Variants in IGSF22 observed in about 807,000 individuals in gnomAD.
IGSF22 encodes the protein immunoglobulin superfamily, member 22.
Under a neutral mutation model 127.0 loss-of-function variants are expected in IGSF22, and 119 were observed. The ratio of observed to expected loss-of-function variants is 0.94; its 90% confidence interval spans 0.81 to 1.09. The LOEUF is 1.09. Among genes scored for constraint, IGSF22 ranks in the 50% least tolerant of loss-of-function variants. IGSF22 has a pLI of 0.00. For synonymous variants in IGSF22, 568 were observed against 664.7 expected, an observed-to-expected ratio of 0.85 and a Z score of 2.24; for missense variants, 1,518 against 1,716.6, an observed-to-expected ratio of 0.88 and a Z score of 2.04.
intron 6 of IGSF22, 30 bp from the exon 7 acceptor site, chr11:18,719,923 T>C (rs763568128): frequency 1.2e-6 from 2 of 1,613,740 alleles, no homozygotes; most frequent in East Asian, 2.2e-5. Context: ...ACTAAGCTTG[T>C]ACACAATGCC....
Position 18,714,421 on chromosome 11 carries a change from G to A in IGSF22, c.1657-3C>T, listed in dbSNP as rs1184834379. ...TGCATGCCTGGCAAGTCCGTGATCT[G>A]GGGGTCAGGGGTGGGCCTGAGTGTG... On this transcript the variant is annotated splice_region_variant and splice_polypyrimidine_tract_variant and intron_variant, in intron 12 of 22. Transcript: ENST00000513874. 4.3e-6 allele frequency: 7 copies of A among 1,613,582 alleles called. No individual in the cohort carries two copies. In the African/African-American group the frequency reaches 8.0e-5, roughly 18 times the overall value.
intron 22 of IGSF22, chr11:18,704,839 C>T (rs1373082275): frequency 1.2e-5 from 4 of 342,228 alleles, no homozygotes; most frequent in Non-Finnish European, 2.2e-5. Flanking sequence ...AGAGCCAGGG[C>T]CCTGGGCCCA....
Position 18,720,240 on chromosome 11 carries a change from C to T in IGSF22, c.424G>A (p.Ala142Thr), listed in dbSNP as rs561455573. Residue 142 changes from alanine (A) to threonine (T), a missense_variant, in exon 5 of 23, where the codon GCA becomes ACA. By Grantham distance (58) the Ala-to-Thr change is moderately conservative. Coordinates refer to ENST00000513874, the MANE Select transcript of IGSF22 (RefSeq NM_173588.4). ...SDDSDNYKCI[A>T]SNDHADAIYT... ...ATGGCATCTGCATGGTCATTGCTTG[C>T]AATGCACTTATAGTTGTCAGAGTCA... is the stretch of plus-strand genomic sequence containing the variant. 8 of 1,614,134 alleles carry T rather than the reference C, an allele frequency of 5.0e-6. No homozygotes were observed. In the Admixed American group the frequency reaches 6.7e-5, roughly 13 times the overall value.
Position 18,704,525 on chromosome 11 carries a change from C to T in IGSF22, c.3924G>A (p.Lys1308=). 1 of 1,549,426 alleles carries T rather than the reference C, an allele frequency of 6.5e-7. No homozygotes were observed. The highest frequency in any genetic ancestry group is 1.2e-5 in the South Asian group (1 of 84,016). The change falls in exon 23 of 23, where the codon AAG becomes AAA. Residue 1308 remains lysine (K), a synonymous_variant. Transcript: ENST00000513874. ...TCTCGGTGATGGATGCTACAACTGA[C>T]TTATCATCTTTGTCTGAAAGAGCAA... ...CTLTVYDKDD[K]SVVASITESL...
At chr11:18,704,615 T>C (rs1590430868) in intron 22 of IGSF22, 77 bp from the exon 23 acceptor site, 3 of 938,798 alleles carry the variant, frequency 3.2e-6, no homozygotes, top group South Asian at 1.4e-5. Context: ...GGACTTCCTA[T>C]GCAGGAAACC....
At chr11:18,719,488 G>A (rs191365775) in intron 7 of IGSF22, among the ~76,000 whole-genome samples, 8 of 152,134 alleles carry the variant, frequency 5.3e-5, no homozygotes, top group Admixed American at 2.0e-4. Flanking sequence ...TTTGAATCTC[G>A]GTCTATCTGA....
chr11:18,716,511 G>A lies in IGSF22; in HGVS notation c.1246+217C>T, dbSNP rs140995852. Among the ~76,000 whole-genome samples, 8 of 152,228 alleles carry A rather than the reference G, an allele frequency of 5.3e-5. No individual in the cohort carries two copies. In the East Asian group the frequency reaches 1.4e-3, roughly 26 times the overall value. Reference sequence around the variant, plus strand: ...AATAAGACCCAGTGTGTCTTGACTCGTGGAATAATAACTGCTATTCTAATT... The same window carrying A: ...AATAAGACCCAGTGTGTCTTGACTCATGGAATAATAACTGCTATTCTAATT... On this transcript the variant is annotated intron_variant, in intron 10 of 22. Transcript: ENST00000513874. The surrounding 1 kb of genome is among the most constrained non-coding windows in gnomAD (Gnocchi z 4.5).
At chr11:18,722,138 A>G in intron 2 of IGSF22, 97 bp from the exon 3 acceptor site, 1 of 1,442,008 alleles carries the variant, frequency 6.9e-7, no homozygotes, top group South Asian at 1.2e-5. Context: ...GGAGCATGGG[A>G]ACAAAGAGCA....
Position 18,719,792 on chromosome 11 carries a change from C to A in IGSF22, c.620G>T (p.Cys207Phe). 1 of 1,614,198 alleles carries A rather than the reference C, an allele frequency of 6.2e-7. No individual in the cohort carries two copies. The highest frequency in any genetic ancestry group is 8.5e-7 in the Non-Finnish European group (1 of 1,180,034). ...KVPKKDFEKV[C>F]MEYGFTDFRG... ...AAAGTCGGTGAAACCATACTCCATG[C>A]ACACCTTCTCAAAGTCTTTCTTGGG... Residue 207 changes from cysteine (C) to phenylalanine (F), a missense_variant, in exon 7 of 23, where the codon TGC becomes TTC. By Grantham distance (205) the Cys-to-Phe change is radical (BLOSUM62 -2). Coordinates refer to ENST00000513874, the MANE Select transcript of IGSF22 (RefSeq NM_173588.4).
Position 18,708,008 on chromosome 11 carries a change from C to A in IGSF22, c.3088-12G>T. On this transcript the variant is annotated splice_polypyrimidine_tract_variant and intron_variant, in intron 19 of 22. Coordinates refer to ENST00000513874, the MANE Select transcript of IGSF22 (RefSeq NM_173588.4). Reference sequence around the variant, plus strand: ...GGTGGTGGTGAGCCCTGAGTAGTGACAGGAGATGGCACAACTGGTCACACA... The same window carrying A: ...GGTGGTGGTGAGCCCTGAGTAGTGAAAGGAGATGGCACAACTGGTCACACA... The A allele has an allele frequency of 5.0e-6, 8 of 1,613,806 alleles. No individual in the cohort carries two copies. The highest frequency in any genetic ancestry group is 6.8e-6 in the Non-Finnish European group (8 of 1,179,768).
Position 18,715,443 on chromosome 11 carries a change from A to T in IGSF22, c.1520T>A (p.Val507Asp). The T allele has an allele frequency of 6.2e-7, 1 of 1,610,552 alleles. No individual in the cohort carries two copies. Among genetic ancestry groups the T allele is most frequent in the African/African-American group, 1.3e-5 (1 of 74,924 alleles). Reference sequence around the variant, plus strand: ...AGGGCGGGTGTTACCCTCCACAGTGACGATGGCAGTACTGTAGTATTCAGT... The same window carrying T: ...AGGGCGGGTGTTACCCTCCACAGTGTCGATGGCAGTACTGTAGTATTCAGT... ...DPTEYYSTAI[V>D]TVEERLATVK... Residue 507 changes from valine to aspartate, a missense_variant, in exon 11 of 23, where the codon GTC becomes GAC. By Grantham distance (152) the Val-to-Asp change is radical. Around this residue, in one of 3 missense-constraint regions of IGSF22, gnomAD observed 1,456 missense variants for 1,644.9 expected, o/e 0.89. Transcript: ENST00000513874.
rs1360557786 is a variant in IGSF22, at chr11:18,716,818, GC to G, written c.1155del (p.Lys387ArgfsTer36). On this transcript the variant is annotated frameshift_variant, in exon 10 of 23. Coordinates refer to ENST00000513874, the MANE Select transcript of IGSF22 (RefSeq NM_173588.4). LOFTEE classifies it high-confidence loss of function. This position sits in a 1 kb window ranked among gnomAD's most constrained non-coding sequence, Gnocchi z 4.5. ...CTGAGTCTGGCATCCTTAATCTTAA[GC>G]GTGTGCGTCAGACCATCTTCGGACA... is the stretch of plus-strand genomic sequence containing the variant. ...ITVSEDGLTH[T>X]LKIKDARLSD... The G allele has an allele frequency of 6.2e-7, 1 of 1,614,184 alleles. No individual in the cohort carries two copies. The highest frequency in any genetic ancestry group is 1.1e-5 in the South Asian group (1 of 91,076).
chr11:18,710,409 T>C lies in IGSF22; in HGVS notation c.2619A>G (p.Glu873=). 6.2e-7 allele frequency: 1 copy of C among 1,614,216 alleles called. No individual in the cohort carries two copies. Among genetic ancestry groups the C allele is most frequent in the Non-Finnish European group, 8.5e-7 (1 of 1,180,040 alleles). Residue 873 remains glutamate (E), a synonymous_variant, in exon 17 of 23, where the codon GAA becomes GAG. Coordinates refer to ENST00000513874, the MANE Select transcript of IGSF22 (RefSeq NM_173588.4). ...CCTTATTTACAGCTATAACTCGGAA[T>C]TCATATTCTGTGTCCTCCAGGAGAC... ...VDGLLEDTEY[E]FRVIAVNKAG...
chr11:18,724,219 G>A lies in IGSF22; in HGVS notation c.18C>T (p.Ser6=). MTTIH[S]RQMLQEHVSM... ...ACACGTGCTCCTGCAGCATCTGCCG[G>A]CTGTGAATGGTTGTCATGGTGACAG... Residue 6 remains serine (S), a synonymous_variant, in exon 2 of 23, where the codon AGC becomes AGT. Coordinates refer to ENST00000513874, the MANE Select transcript of IGSF22 (RefSeq NM_173588.4). 6.2e-7 allele frequency: 1 copy of A among 1,613,822 alleles called. No homozygotes were observed. The highest frequency in any genetic ancestry group is 1.3e-5 in the African/African-American group (1 of 75,056).
Position 18,707,872 on chromosome 11 carries a change from CCT to C in IGSF22, c.3210_3211del (p.Tyr1073ProfsTer7), listed in dbSNP as rs777514820. 26 of 1,613,988 alleles carry C rather than the reference CCT, an allele frequency of 1.6e-5. No homozygotes were observed. The highest frequency in any genetic ancestry group is 9.3e-5 in the African/African-American group (7 of 74,906). On this transcript the variant is annotated frameshift_variant, in exon 20 of 23. Coordinates refer to ENST00000513874, the MANE Select transcript of IGSF22 (RefSeq NM_173588.4). LOFTEE classifies it high-confidence loss of function. ...ATTCTGAAGCAAGATTCGGTACACC[CCT>C]GAGTCAGAGCGCTTGGTGCTATTAA...
At position 18,716,356 on chromosome 11, in the gene IGSF22, A is replaced by C. The variant is rs937397037; in HGVS notation, c.1246+372T>G. On this transcript the variant is annotated intron_variant, in intron 10 of 22. Coordinates refer to ENST00000513874, the MANE Select transcript of IGSF22 (RefSeq NM_173588.4). The surrounding 1 kb of genome is among the most constrained non-coding windows in gnomAD (Gnocchi z 4.5). ...GTGACATGCTCATTGGTGTACCTACATTATGTGCGAACTCCCAAAGTAGTT... is the reference window on the plus strand; with the variant it reads ...GTGACATGCTCATTGGTGTACCTACCTTATGTGCGAACTCCCAAAGTAGTT... Among the ~76,000 whole-genome samples the C allele has an allele frequency of 6.6e-6, 1 of 152,138 alleles. No homozygotes were observed. The highest frequency in any genetic ancestry group is 2.4e-5 in the African/African-American group (1 of 41,404).
Position 18,707,171 on chromosome 11 carries a change from A to T in IGSF22, c.3323T>A (p.Val1108Asp). ...PPTNLRLFEE[V>D]PNTVTLTWNH... is the part of the protein sequence containing the mutation. ...CCAGGTCAGAGTCACTGTGTTGGGG[A>T]CTTCCTCAAACAACCGTAGGTTTGT... is the stretch of plus-strand genomic sequence containing the variant. Residue 1108 changes from valine (V) to aspartate (D), a missense_variant, in exon 21 of 23, where the codon GTC becomes GAC. This residue lies in a region of IGSF22 where 1,456 missense variants were observed against 1,644.9 expected (regional missense o/e 0.89). Transcript: ENST00000513874. The T allele has an allele frequency of 6.5e-7, 1 of 1,546,634 alleles. No homozygotes were observed. Among genetic ancestry groups the T allele is most frequent in the East Asian group, 2.5e-5 (1 of 40,800 alleles).
chr11:18,710,358 T>A lies in IGSF22; in HGVS notation c.2670A>T (p.Pro890=), dbSNP rs114511413. The change falls in exon 17 of 23, where the codon CCA becomes CCT. Residue 890 remains proline (P), a synonymous_variant. Coordinates refer to ENST00000513874, the MANE Select transcript of IGSF22 (RefSeq NM_173588.4). ...GATCCTTGGCCACTACTGAGCTGGA[T>A]GGCACACTGGGCTGTCCAGGGCCTG... The part of the protein sequence containing the change: ...NKAGPGQPSV[P]SSSVVAKDPV... 2.4e-3 allele frequency: 3,866 copies of A among 1,614,188 alleles called. 109 individuals carry two copies. In the African/African-American group the frequency reaches 0.042, roughly 18 times the overall value.
intron 21 of IGSF22, 100 bp from the exon 22 acceptor site, chr11:18,706,246 G>T: frequency 1.7e-6 from 2 of 1,149,150 alleles, no homozygotes; most frequent in Non-Finnish European, 2.4e-6. Flanking sequence ...GAGGACCTAG[G>T]CCACATTCCC....
Sources: gnomAD v4.1 joint callset for allele counts (sites outside exome capture counted in the v4.1 genomes callset) on GRCh38, gnomAD v4.1.1 for gene constraint, gnomAD v4.1.1 regional missense constraint, Gnocchi (gnomAD v3.1) non-coding constraint, MANE v1.5 for transcripts, NCBI Gene and HGNC (gene_info 2026-07-23, HGNC 2026-07-21) for gene names.